The following KCNQ3 variants were observed in gnomAD, a reference collection of about 807,000 sequenced individuals.
KCNQ3 encodes potassium voltage-gated channel subfamily KQT member 3.
Under a neutral mutation model 92.5 loss-of-function variants are expected in KCNQ3, and 30 were observed. That is an observed-to-expected ratio of 0.32 (90% CI 0.24 to 0.44). KCNQ3 has a LOEUF of 0.44. Ranked by LOEUF, KCNQ3 falls within the 20% of genes least tolerant of loss-of-function variation. The probability of loss-of-function intolerance (pLI) is 1.00; values close to 1 mark genes in which losing one functional copy is unlikely to be tolerated. For missense variants in KCNQ3, 913 were observed against 1,140.3 expected (o/e 0.80, Z 2.87); for synonymous variants, 450 against 468.8 (o/e 0.96, Z 0.52).
intron 1 of KCNQ3, among the ~76,000 whole-genome samples, chr8:132,443,159 G>A (rs927917497): frequency 2.6e-5 from 4 of 152,138 alleles, no homozygotes; most frequent in African/African-American, 7.2e-5. Flanking sequence ...GGAGGGGGTC[G>A]GGGAGGACTG....
chr8:132,416,598 C>T (rs1051020856), intron 1 of KCNQ3, among the ~76,000 whole-genome samples: 4 of 151,988 alleles, frequency 2.6e-5, no homozygotes, highest in Admixed American at 6.6e-5. Flanking sequence ...CTCCAGCCTG[C>T]GTGACAGAGT....
intron 1 of KCNQ3, among the ~76,000 whole-genome samples, chr8:132,353,370 A>G (rs906100919): frequency 6.6e-6 from 1 of 152,142 alleles, no homozygotes; most frequent in African/African-American, 2.4e-5. Context: ...TGTCAGAAAA[A>G]AAATATTGAT....
chr8:132,208,682 C>T (rs1465216678), intron 1 of KCNQ3, among the ~76,000 whole-genome samples: 2 of 152,164 alleles, frequency 1.3e-5, no homozygotes, highest in Admixed American at 6.5e-5. Context: ...CTGGGCGATA[C>T]TGGACTAGGT....
chr8:132,255,241 C>T (rs565895464), intron 1 of KCNQ3, among the ~76,000 whole-genome samples: 8 of 152,194 alleles, frequency 5.3e-5, no homozygotes, highest in East Asian at 1.9e-4. Context: ...TAGCTGTCAT[C>T]AGTTGGTCTG....
chr8:132,228,370 TGAGA>T (rs143844678), intron 1 of KCNQ3, among the ~76,000 whole-genome samples: 17 of 148,856 alleles, frequency 1.1e-4, no homozygotes, highest in African/African-American at 3.7e-4. Context: ...ACTGAGTTAT[TGAGA>T]GAGAGAGAGA....
intron 1 of KCNQ3, among the ~76,000 whole-genome samples, chr8:132,460,872 C>T (rs1363578436): frequency 6.6e-6 from 1 of 152,224 alleles, no homozygotes; most frequent in African/African-American, 2.4e-5. Context: ...ATCACCTGCG[C>T]TTCATCTATT....
At chr8:132,147,156 A>C (rs1290504946) in intron 9 of KCNQ3, among the ~76,000 whole-genome samples, 1 of 152,228 alleles carries the variant, frequency 6.6e-6, no homozygotes, top group Non-Finnish European at 1.5e-5. Context: ...GCTGTGGAGT[A>C]GGGTGATTGA....
At chr8:132,400,830 T>C (rs988954976) in intron 1 of KCNQ3, among the ~76,000 whole-genome samples, 1 of 152,176 alleles carries the variant, frequency 6.6e-6, no homozygotes, top group African/African-American at 2.4e-5. Flanking sequence ...CTAATCCCTT[T>C]CCCTCCCCTC....
intron 1 of KCNQ3, among the ~76,000 whole-genome samples, chr8:132,401,344 G>A (rs146777841): frequency 1.7e-4 from 26 of 152,028 alleles, no homozygotes; most frequent in African/African-American, 5.8e-4. Context: ...CCATGAATAC[G>A]GATCCTACAA....
chr8:132,396,586 T>C (rs1586984306), intron 1 of KCNQ3, among the ~76,000 whole-genome samples: 1 of 152,268 alleles, frequency 6.6e-6, no homozygotes, highest in South Asian at 2.1e-4. Context: ...TTTGGAAAAA[T>C]ACCAGAATTG....
At chr8:132,149,918 T>A (rs557556013) in intron 9 of KCNQ3, among the ~76,000 whole-genome samples, 1 of 152,312 alleles carries the variant, frequency 6.6e-6, no homozygotes, top group South Asian at 2.1e-4. Flanking sequence ...CACAATAGTT[T>A]AGCTTCTCTC....
intron 8 of KCNQ3, among the ~76,000 whole-genome samples, chr8:132,165,745 A>C (rs1179052639): frequency 6.6e-6 from 1 of 152,254 alleles, no homozygotes; most frequent in East Asian, 1.9e-4. Context: ...TTTTGGCACA[A>C]GACCTGAGTT....
chr8:132,206,270 C>G (rs1813654153), intron 1 of KCNQ3, among the ~76,000 whole-genome samples: 1 of 152,172 alleles, frequency 6.6e-6, no homozygotes. Context: ...CCCTGCCAGG[C>G]TTTTCTTCAG....
chr8:132,451,337 C>G (rs1314103673), intron 1 of KCNQ3, among the ~76,000 whole-genome samples: 6 of 152,204 alleles, frequency 3.9e-5, no homozygotes, highest in African/African-American at 9.6e-5. Context: ...CCAGTCTCAG[C>G]TATGTCTTTA....
chr8:132,429,682 G>A (rs1821198741), intron 1 of KCNQ3, among the ~76,000 whole-genome samples: 2 of 151,988 alleles, frequency 1.3e-5, no homozygotes. Flanking sequence ...CCAACATGGT[G>A]AAACCCTGTC....
intron 1 of KCNQ3, among the ~76,000 whole-genome samples, chr8:132,467,638 A>T (rs1163753297): frequency 2.0e-5 from 3 of 152,192 alleles, no homozygotes; most frequent in Non-Finnish European, 4.4e-5. Flanking sequence ...CCTACTGTTC[A>T]TTTATAAACA....
rs1218241915 is a variant in KCNQ3, at chr8:132,187,290, G to T, written c.387-1109C>A. ...CTGGAATTCAATGATGAATAGGCTGGATCTGTCCTCACGAGCTCACAGTCC... is the reference window on the plus strand; with the variant it reads ...CTGGAATTCAATGATGAATAGGCTGTATCTGTCCTCACGAGCTCACAGTCC... On this transcript the variant is annotated intron_variant, in intron 1 of 14. Transcript: ENST00000388996. 3 of 455,960 alleles carry T rather than the reference G, an allele frequency of 6.6e-6. No individual in the cohort carries two copies. In the East Asian group the frequency reaches 2.1e-4, roughly 32 times the overall value. 28.2% of individuals were successfully genotyped at this position (455,960 alleles called of 1,614,324 possible). A position where few individuals can be genotyped will look rare whatever the true frequency, so the allele number is the denominator to read the frequency against.
intron 1 of KCNQ3, among the ~76,000 whole-genome samples, chr8:132,386,791 A>T (rs933243460): frequency 1.3e-5 from 2 of 152,086 alleles, no homozygotes; most frequent in African/African-American, 4.8e-5. Context: ...CTAATGTTGC[A>T]CTATCTTTTA....
chr8:132,397,071 G>T (rs1820213231), intron 1 of KCNQ3, among the ~76,000 whole-genome samples: 1 of 151,934 alleles, frequency 6.6e-6, no homozygotes, highest in Non-Finnish European at 1.5e-5. Flanking sequence ...TATTATTACT[G>T]CATTTTTCAT....
Sources: gnomAD v4.1 joint callset for allele counts (sites outside exome capture counted in the v4.1 genomes callset) on GRCh38, gnomAD v4.1.1 for gene constraint, MANE v1.5 for transcripts, NCBI Gene and HGNC (gene_info 2026-07-23, HGNC 2026-07-21) for gene names.